The following MTUS1 variants were observed in gnomAD, a reference collection of about 807,000 sequenced individuals.
MTUS1 encodes the protein microtubule associated scaffold protein 1, also known as microtubule-associated tumor suppressor 1.
MTUS1 carries 109 observed loss-of-function variants against 120.8 expected under a neutral mutation model. The observed-to-expected ratio is 0.90, with a 90% CI of 0.77 to 1.06. The LOEUF (loss-of-function observed/expected upper bound fraction) is 1.06. MTUS1 is among the 50% of genes least tolerant of loss of function. The pLI is 0.00. For missense variants in MTUS1, 2,210 were observed against 1,486.3 expected, an observed-to-expected ratio of 1.49 and a Z score of -8.01; for synonymous variants, 737 against 550.5, an observed-to-expected ratio of 1.34 and a Z score of -4.74.
intron 1 of MTUS1, among the ~76,000 whole-genome samples, chr8:17,775,175 T>C (rs1010385400): frequency 4.6e-5 from 7 of 152,118 alleles, no homozygotes; most frequent in African/African-American, 1.2e-4. Flanking sequence ...ATACTGGTGA[T>C]AGTTACACAA....
chr8:17,789,840 T>G (rs2051623415), intron 1 of MTUS1, among the ~76,000 whole-genome samples: 1 of 152,188 alleles, frequency 6.6e-6, no homozygotes, highest in Non-Finnish European at 1.5e-5. Flanking sequence ...AGAAGACAAT[T>G]TGGAAATAGA....
chr8:17,739,408 G>C (rs1223211385), intron 3 of MTUS1, among the ~76,000 whole-genome samples: 1 of 151,992 alleles, frequency 6.6e-6, no homozygotes, highest in African/African-American at 2.4e-5. Flanking sequence ...CAGGAGAATT[G>C]CTTGAACCAG....
rs1215645401 is a variant in MTUS1 at position 17,737,062 on chromosome 8, A to G, written c.2287+6542T>C. On this transcript the variant is annotated intron_variant, in intron 3 of 14. Coordinates refer to ENST00000693296, the MANE Select transcript of MTUS1 (RefSeq NM_001363059.2). ...GCCTTCCCCACATTCTCCTTCACAC[A>G]TATGTGGTTTAATGAAGAATTCACA... Among the ~76,000 whole-genome samples, 3 of 152,188 alleles carry G rather than the reference A, an allele frequency of 2.0e-5. No individual in the cohort carries two copies. The South Asian group carries it at 6.2e-4, about 31-fold the overall frequency.
In MTUS1 at chr8:17,753,988, G is replaced by T; in HGVS notation, c.1820C>A (p.Ala607Asp). ...AACATCTTCCTGATTCGATTTCACG[G>T]CAGATGTTGTTCTTGGAACCCTGTG... ...ASHRVPRTTSAVKSNQEDVDK... is the reference protein window; with the variant it reads ...ASHRVPRTTSDVKSNQEDVDK... Residue 607 changes from alanine to aspartate, a missense_variant, in exon 2 of 15, where the codon GCC (alanine) becomes GAC (aspartate). Transcript: ENST00000693296. 1 of 1,614,188 alleles carries T rather than the reference G, an allele frequency of 6.2e-7. No individual in the cohort carries two copies. Among genetic ancestry groups the T allele is most frequent in the East Asian group, 2.2e-5 (1 of 44,886 alleles).
intron 11 of MTUS1, 43 bp downstream of exon 11, chr8:17,653,382 A>ATTTTTT: frequency 1.3e-6 from 2 of 1,499,092 alleles, no homozygotes; most frequent in South Asian, 1.2e-5. Flanking sequence ...CAAAAATGAT[A>ATTTTTT]TTTTTTTTTG....
At chr8:17,725,025 G>C (rs1158012671) in intron 3 of MTUS1, among the ~76,000 whole-genome samples, 3 of 152,028 alleles carry the variant, frequency 2.0e-5, no homozygotes, top group Non-Finnish European at 2.9e-5. Context: ...CAAACTGCTG[G>C]AATTACAGGT....
At chr8:17,677,637 C>G (rs1813391769) in intron 7 of MTUS1, among the ~76,000 whole-genome samples, 1 of 152,108 alleles carries the variant, frequency 6.6e-6, no homozygotes, top group Non-Finnish European at 1.5e-5. Flanking sequence ...GTCGACATTT[C>G]CCCAAACTTC....
chr8:17,687,574 C>T (rs1816089389), intron 6 of MTUS1, among the ~76,000 whole-genome samples: 1 of 152,104 alleles, frequency 6.6e-6, no homozygotes, highest in African/African-American at 2.4e-5. Flanking sequence ...AGAACATGTT[C>T]TGATTTTAAA....
At chr8:17,801,355 G>C (rs1421899686), upstream of MTUS1, 3 of 151,770 alleles carry the variant, frequency 2.0e-5, no homozygotes, top group Admixed American at 6.5e-5. Context: ...ACCCGGGGCG[G>C]CTCCTTCCGA....
chr8:17,734,278 T>C (rs1361243396), intron 3 of MTUS1: 2 of 152,236 alleles, frequency 1.3e-5, no homozygotes, highest in Non-Finnish European at 2.9e-5. Flanking sequence ...TAGATTTATA[T>C]GTTGCAAATA....
intron 14 of MTUS1, 81 bp downstream of exon 14, chr8:17,646,901 G>A (rs12540981): frequency 1.1e-6 from 1 of 940,320 alleles, no homozygotes. Flanking sequence ...AGGAGGTGCA[G>A]GGGTAGAGCG....
intron 6 of MTUS1, among the ~76,000 whole-genome samples, chr8:17,694,905 C>G (rs536012905): frequency 4.3e-4 from 66 of 152,292 alleles, no homozygotes; most frequent in African/African-American, 1.4e-3. Context: ...GAAGTCATCT[C>G]TTGTGGTTCC....
intron 1 of MTUS1, among the ~76,000 whole-genome samples, chr8:17,780,416 T>G (rs1427606246): frequency 6.6e-6 from 1 of 152,208 alleles, no homozygotes; most frequent in Non-Finnish European, 1.5e-5. Context: ...AAGAACAGTC[T>G]GATACAATCT....
At chr8:17,695,624 C>T (rs574036603) in intron 6 of MTUS1, among the ~76,000 whole-genome samples, 23 of 152,294 alleles carry the variant, frequency 1.5e-4, no homozygotes, top group African/African-American at 5.5e-4. Context: ...ACACTACAGA[C>T]AACTTAGAAT....
At chr8:17,720,745 C>G (rs2045772718) in intron 4 of MTUS1, among the ~76,000 whole-genome samples, 1 of 152,188 alleles carries the variant, frequency 6.6e-6, no homozygotes, top group Non-Finnish European at 1.5e-5. Flanking sequence ...TACCCAGTTA[C>G]TTTAATGATC....
At chr8:17,712,883 G>A (rs1379970244) in intron 6 of MTUS1, among the ~76,000 whole-genome samples, 1 of 151,854 alleles carries the variant, frequency 6.6e-6, no homozygotes, top group Middle Eastern at 3.2e-3. Flanking sequence ...CAAATATTGA[G>A]ACCACTTAAA....
Position 17,717,728 on chromosome 8 carries a change from A to T in MTUS1, c.2450-1827T>A, listed in dbSNP as rs149539068. Among the ~76,000 whole-genome samples the T allele has an allele frequency of 1.5e-3, 223 of 152,108 alleles. 2 individuals are homozygous for T. The highest frequency in any genetic ancestry group is 3.4e-3 in the Middle Eastern group (1 of 292). On this transcript the variant is annotated intron_variant, in intron 4 of 14. Coordinates refer to ENST00000693296, the MANE Select transcript of MTUS1 (RefSeq NM_001363059.2). ...GGACAGGTTCTTCATGAGGGATGGTACTCCTGTGTCCCTTGCCTCTCTGTC... is the reference window on the plus strand; with the variant it reads ...GGACAGGTTCTTCATGAGGGATGGTTCTCCTGTGTCCCTTGCCTCTCTGTC...
rs1485599871 is a variant in MTUS1 at position 17,645,171 on chromosome 8, A to G, written c.*755T>C. The G allele has an allele frequency of 2.0e-5, 3 of 152,618 alleles. No homozygotes were observed. Among genetic ancestry groups the G allele is most frequent in the Non-Finnish European group, 4.4e-5 (3 of 68,034 alleles). 9.5% of individuals were successfully genotyped at this position (152,618 alleles called of 1,614,324 possible). On this transcript the variant is annotated 3_prime_UTR_variant, in exon 15 of 15. Transcript: ENST00000693296. The stretch of plus-strand genomic sequence containing the variant: ...GCTCACATGGGTAAGTAAAAAATCT[A>G]CAGAAAAATCTAGTTTCAACTGACA...
chr8:17,765,303 G>C (rs1003423203), intron 1 of MTUS1, among the ~76,000 whole-genome samples: 1 of 152,238 alleles, frequency 6.6e-6, no homozygotes, highest in South Asian at 2.1e-4. Context: ...CACAGCCCAG[G>C]AATTGGGGAA....
Sources: gnomAD v4.1 joint callset for allele counts (sites outside exome capture counted in the v4.1 genomes callset) on GRCh38, gnomAD v4.1.1 for gene constraint, MANE v1.5 for transcripts, NCBI Gene and HGNC (gene_info 2026-07-23, HGNC 2026-07-21) for gene names.